The following DNAJB2 variants were observed in gnomAD, a reference collection of about 807,000 sequenced individuals.
DNAJB2 encodes the protein dnaJ homolog subfamily B member 2.
Under a neutral mutation model 33.3 loss-of-function variants are expected in DNAJB2, and 19 were observed. The ratio of observed to expected loss-of-function variants is 0.57; its 90% CI spans 0.40 to 0.84. DNAJB2 has a LOEUF of 0.84. Ranked by LOEUF, DNAJB2 falls within the 40% of genes least tolerant of loss-of-function variation. The pLI is 0.00. For synonymous variants in DNAJB2, 172 were observed against 164.6 expected (o/e 1.04, Z -0.34); for missense variants, 368 against 430.9 (o/e 0.85, Z 1.29).
In DNAJB2 at chr2:219,279,995, AGGTCGTTAGAAAGCACT is replaced by A. The variant is rs1951889844; in HGVS notation, c.65+100_65+116del. ...ACACCTGTAGGTGTCTGAGGGAACCAGGTCGTTAGAAAGCACTGGGGTGCTTCTTCCGAGTGACACCT... is the reference window on the plus strand; with the variant it reads ...ACACCTGTAGGTGTCTGAGGGAACCAGGGGTGCTTCTTCCGAGTGACACCT... On this transcript the variant is annotated intron_variant, in intron 2 of 8. Transcript: ENST00000336576. This position sits in a 1 kb window ranked among gnomAD's most constrained non-coding sequence, Gnocchi z 4.9. 7.1e-7 allele frequency: 1 copy of A among 1,408,796 alleles called. No homozygotes were observed. Among genetic ancestry groups the A allele is most frequent in the African/African-American group, 1.4e-5 (1 of 70,790 alleles). 87.3% of individuals were successfully genotyped at this position (1,408,796 alleles called of 1,614,324 possible).
At position 219,279,675 on chromosome 2, in the gene DNAJB2, C is replaced by T; in HGVS notation, c.-36-123C>T. 1.4e-6 allele frequency: 1 copy of T among 718,704 alleles called. No individual in the cohort carries two copies. Among genetic ancestry groups the T allele is most frequent in the Non-Finnish European group, 2.3e-6 (1 of 441,490 alleles). 44.5% of individuals were successfully genotyped at this position (718,704 alleles called of 1,614,324 possible). ...CCGGAGGGAGCCTAGTCACCGGCCG[C>T]AAGCAGAGCCCGGTGTGCTCCGCTT... On this transcript the variant is annotated intron_variant, in intron 1 of 8. Coordinates refer to ENST00000336576, the MANE Select transcript of DNAJB2 (RefSeq NM_006736.6). This position sits in a 1 kb window ranked among gnomAD's most constrained non-coding sequence, Gnocchi z 4.9.
At position 219,279,684 on chromosome 2, in the gene DNAJB2, C is replaced by G. The variant is rs577080253; in HGVS notation, c.-36-114C>G. The G allele has an allele frequency of 2.8e-4, 211 of 765,426 alleles. 1 individual carries two copies. The highest frequency in any genetic ancestry group is 1.5e-3 in the African/African-American group (86 of 57,464). The allele number at this position is 765,426 out of a possible 1,614,324, so 47.4% of individuals were successfully genotyped here. On this transcript the variant is annotated intron_variant, in intron 1 of 8. Coordinates refer to ENST00000336576, the MANE Select transcript of DNAJB2 (RefSeq NM_006736.6). The surrounding 1 kb of genome is among the most constrained non-coding windows in gnomAD (Gnocchi z 4.9). ...GCCTAGTCACCGGCCGCAAGCAGAG[C>G]CCGGTGTGCTCCGCTTCCAACTGGG...
In DNAJB2 at chr2:219,279,734, G is replaced by A. The variant is rs938963588; in HGVS notation, c.-36-64G>A. ...GAGCGCCTTCCGCCACCCGGGGAGG[G>A]GGACTGCTGCAGCCACAGGGTGGGG... On this transcript the variant is annotated intron_variant, in intron 1 of 8. Coordinates refer to ENST00000336576, the MANE Select transcript of DNAJB2 (RefSeq NM_006736.6). The surrounding 1 kb of genome is among the most constrained non-coding windows in gnomAD (Gnocchi z 4.9). 22 of 1,371,370 alleles carry A rather than the reference G, an allele frequency of 1.6e-5. No homozygotes were observed. Among genetic ancestry groups the A allele is most frequent in the Admixed American group, 9.9e-5 (5 of 50,546 alleles). The allele number at this position is 1,371,370 out of a possible 1,614,324, so 85.0% of individuals were successfully genotyped here. A position where few individuals can be genotyped will look rare whatever the true frequency, so the allele number is the denominator to read the frequency against.
At chr2:219,280,853 A>G in intron 3 of DNAJB2, 166 bp downstream of exon 3, 1 of 606,750 alleles carries the variant, frequency 1.6e-6, no homozygotes, top group Non-Finnish European at 2.9e-6. Context: ...TCTGCTCCCC[A>G]GAGTCTGGTA....
chr2:219,279,792 C>G lies in DNAJB2; in HGVS notation c.-36-6C>G. 6.2e-7 allele frequency: 1 copy of G among 1,610,716 alleles called. No individual in the cohort carries two copies. Among genetic ancestry groups the G allele is most frequent in the Non-Finnish European group, 8.5e-7 (1 of 1,177,832 alleles). On this transcript the variant is annotated splice_region_variant and splice_polypyrimidine_tract_variant and intron_variant, in intron 1 of 8. Transcript: ENST00000336576. This position sits in a 1 kb window ranked among gnomAD's most constrained non-coding sequence, Gnocchi z 4.9. ...TTCTTTCCGCCTGACTCCTTCTCTT[C>G]TGCAGCCCCAAGGAGGCCCGCCTGA... is the stretch of plus-strand genomic sequence containing the variant.
Position 219,284,906 on chromosome 2 carries a change from G to GA in DNAJB2, c.895dup (p.Thr299AsnfsTer8). ...AGCACCAAGATCCAGGCTTGGGGGG[G>GA]ACCCAGGAGGGTGCGAGGGGTGAAG... On this transcript the variant is annotated frameshift_variant, in exon 9 of 9. Transcript: ENST00000336576. LOFTEE classifies it high-confidence loss of function. 1 of 1,596,488 alleles carries GA rather than the reference G, an allele frequency of 6.3e-7. No homozygotes were observed. The highest frequency in any genetic ancestry group is 8.6e-7 in the Non-Finnish European group (1 of 1,168,362).
intron 6 of DNAJB2, 47 bp from the exon 7 acceptor site, chr2:219,283,086 G>A (rs1559286710): frequency 1.9e-6 from 3 of 1,609,684 alleles, no homozygotes; most frequent in Non-Finnish European, 2.6e-6. Flanking sequence ...AGGCAGCGCA[G>A]TCTTCTTCTA....
rs989258467 is a variant in DNAJB2 at position 219,282,069 on chromosome 2, G to C, written c.352+8G>C. 2.8e-5 allele frequency: 45 copies of C among 1,613,960 alleles called. No homozygotes were observed. The highest frequency in any genetic ancestry group is 3.8e-5 in the Non-Finnish European group (45 of 1,180,038). ...CTTTTGCAGAGCTCTTTGGTGAGTGGACTCTGGAAGCCTCTGAATGGCTCA... is the reference window on the plus strand; with the variant it reads ...CTTTTGCAGAGCTCTTTGGTGAGTGCACTCTGGAAGCCTCTGAATGGCTCA... On this transcript the variant is annotated splice_region_variant and intron_variant, in intron 5 of 8. Coordinates refer to ENST00000336576, the MANE Select transcript of DNAJB2 (RefSeq NM_006736.6).
chr2:219,281,653 C>A, intron 3 of DNAJB2, 65 bp from the exon 4 acceptor site: 1 of 1,601,828 alleles, frequency 6.2e-7, no homozygotes, highest in Non-Finnish European at 8.5e-7. Context: ...ATCCTTTGAA[C>A]GTCCTAGCCT....
intron 3 of DNAJB2, 73 bp downstream of exon 3, chr2:219,280,760 C>T: frequency 4.4e-6 from 5 of 1,135,160 alleles, no homozygotes; most frequent in Non-Finnish European, 6.4e-6. Context: ...TTTCTTAAAG[C>T]AATGTCTCTG....
At position 219,285,918 on chromosome 2, in the gene DNAJB2, C is replaced by A; in HGVS notation, c.*931C>A. Reference sequence around the variant, plus strand: ...CATGCGGCCAGCCCAGGTCTGCATGCTGAGCCCCATCCTCCACAGCTTGCC... The same window carrying A: ...CATGCGGCCAGCCCAGGTCTGCATGATGAGCCCCATCCTCCACAGCTTGCC... On this transcript the variant is annotated 3_prime_UTR_variant, in exon 9 of 9. Transcript: ENST00000336576. 1 of 1,597,828 alleles carries A rather than the reference C, an allele frequency of 6.3e-7. No individual in the cohort carries two copies. The highest frequency in any genetic ancestry group is 8.5e-7 in the Non-Finnish European group (1 of 1,174,332).
At position 219,285,248 on chromosome 2, in the gene DNAJB2, A is replaced by T; in HGVS notation, c.*261A>T. 8.4e-7 allele frequency: 1 copy of T among 1,189,652 alleles called. No individual in the cohort carries two copies. Among genetic ancestry groups the T allele is most frequent in the Non-Finnish European group, 1.0e-6 (1 of 959,708 alleles). 73.7% of individuals were successfully genotyped at this position (1,189,652 alleles called of 1,614,324 possible). A position where few individuals can be genotyped will look rare whatever the true frequency, so the allele number is the denominator to read the frequency against. On this transcript the variant is annotated 3_prime_UTR_variant, in exon 9 of 9. Transcript: ENST00000336576. ...GGGCCCGAGGAGCCAGGTTGCATTTATTGGATGGGGAGCTCCAAGGGGCAT... is the reference window on the plus strand; with the variant it reads ...GGGCCCGAGGAGCCAGGTTGCATTTTTTGGATGGGGAGCTCCAAGGGGCAT...
At chr2:219,280,815 T>TC (rs2125081877) in intron 3 of DNAJB2, 128 bp downstream of exon 3, 1 of 686,078 alleles carries the variant, frequency 1.5e-6, no homozygotes, top group East Asian at 2.7e-5. Context: ...ACATTTAAGC[T>TC]CCCCCCTCCC....
rs987760829 is a variant in DNAJB2, at chr2:219,283,560, A to C, written c.619+71A>C. On this transcript the variant is annotated intron_variant, in intron 8 of 8. Transcript: ENST00000336576. ...CCCAACCTCAGCAGCCTCCTCCCCAAACTGCTGCTCTCTGAACTCACTTAG... is the reference window on the plus strand; with the variant it reads ...CCCAACCTCAGCAGCCTCCTCCCCACACTGCTGCTCTCTGAACTCACTTAG... 3.4e-6 allele frequency: 5 copies of C among 1,479,222 alleles called. No individual in the cohort carries two copies. In the African/African-American group the frequency reaches 4.2e-5, roughly 12 times the overall value. 91.6% of individuals were successfully genotyped at this position (1,479,222 alleles called of 1,614,324 possible).
At chr2:219,280,806 C>T (rs1951898024) in intron 3 of DNAJB2, 119 bp downstream of exon 3, 1 of 725,288 alleles carries the variant, frequency 1.4e-6, no homozygotes, top group Non-Finnish European at 2.3e-6. Context: ...TCCAGCCTGA[C>T]ATTTAAGCTC....
intron 3 of DNAJB2, chr2:219,281,052 G>C (rs976224244): frequency 1.2e-5 from 3 of 253,352 alleles, no homozygotes; most frequent in Non-Finnish European, 2.3e-5. Flanking sequence ...GAAGTAACTT[G>C]CTCAAGGCCA....
Position 219,282,920 on chromosome 2 carries a change from G to A in DNAJB2, c.436G>A (p.Gly146Arg), listed in dbSNP as rs775866197. 2 of 1,600,116 alleles carry A rather than the reference G, an allele frequency of 1.2e-6. No homozygotes were observed. Among genetic ancestry groups the A allele is most frequent in the Admixed American group, 1.8e-5 (1 of 56,578 alleles). The change falls in exon 6 of 9, where the codon GGG becomes AGG. Residue 146 changes from glycine (G) to arginine (R), a missense_variant. Transcript: ENST00000336576. ...CTTTACCTTCTCTTCCTCCTTCCCT[G>A]GGCACTCCGGTAAGTTCTGCCCCTT... ...PFFTFSSSFP[G>R]HSDFSSSSFS...
chr2:219,280,919 G>A (rs1275037560), intron 3 of DNAJB2: 7 of 530,244 alleles, frequency 1.3e-5, no homozygotes, highest in Admixed American at 3.4e-5. Context: ...TAACTCATGT[G>A]AGCTGAGCCT....
chr2:219,286,292 T>C lies in DNAJB2; in HGVS notation c.*1305T>C. On this transcript the variant is annotated 3_prime_UTR_variant, in exon 9 of 9. Coordinates refer to ENST00000336576, the MANE Select transcript of DNAJB2 (RefSeq NM_006736.6). Reference sequence around the variant, plus strand: ...TGGTGTATGGTTACGGAGCTGTGCATCTTGGGACATGTAGTAGCCCAGGTC... The same window carrying C: ...TGGTGTATGGTTACGGAGCTGTGCACCTTGGGACATGTAGTAGCCCAGGTC... The C allele has an allele frequency of 2.4e-6, 1 of 408,184 alleles. No homozygotes were observed. 25.3% of individuals were successfully genotyped at this position (408,184 alleles called of 1,614,324 possible). A position where few individuals can be genotyped will look rare whatever the true frequency, so the allele number is the denominator to read the frequency against.
Sources: gnomAD v4.1 joint callset for allele counts on GRCh38, gnomAD v4.1.1 for gene constraint, Gnocchi (gnomAD v3.1) non-coding constraint, MANE v1.5 for transcripts, NCBI Gene and HGNC (gene_info 2026-07-23, HGNC 2026-07-21) for gene names.